LARP1: variants seen among roughly 807,000 people sequenced by gnomAD.
The protein encoded by LARP1 is la-related protein 1.
LARP1 carries 36 observed loss-of-function variants against 122.7 expected under a neutral mutation model. The observed-to-expected ratio is 0.29, with a 90% CI of 0.22 to 0.39. LARP1 has a LOEUF of 0.39. LARP1 is among the 10% of genes least tolerant of loss of function. LARP1 has a pLI of 1.00. For missense variants in LARP1, 1,040 were observed against 1,403.6 expected, an observed-to-expected ratio of 0.74 and a Z score of 4.14; for synonymous variants, 539 against 528.7, an observed-to-expected ratio of 1.02 and a Z score of -0.27.
chr5:154,794,350 T>A lies in LARP1; in HGVS notation c.1232+88T>A, dbSNP rs1582433691. 6.0e-6 allele frequency: 8 copies of A among 1,329,698 alleles called. No individual in the cohort carries two copies. The East Asian group carries it at 1.9e-4, about 31-fold the overall frequency. The allele number at this position is 1,329,698 out of a possible 1,614,324, so 82.4% of individuals were successfully genotyped here. A position where few individuals can be genotyped will look rare whatever the true frequency, so the allele number is the denominator to read the frequency against. ...GTCATAGCTGGGCAGGCCCTTCTGG[T>A]GCTTAGCAGCAGTTTCAGCCTCAGG... On this transcript the variant is annotated intron_variant, in intron 7 of 18. Coordinates refer to ENST00000518297, the MANE Select transcript of LARP1 (RefSeq NM_033551.3).
At chr5:154,721,196 G>C (rs116443797) in intron 1 of LARP1, among the ~76,000 whole-genome samples, 1 of 151,802 alleles carries the variant, frequency 6.6e-6, no homozygotes, top group Non-Finnish European at 1.5e-5. Context: ...ATATTTTATA[G>C]ATTAGCCCGG....
chr5:154,716,921 G>A (rs186203451), intron 1 of LARP1, among the ~76,000 whole-genome samples: 104 of 152,174 alleles, frequency 6.8e-4, no homozygotes, highest in African/African-American at 2.1e-3. Flanking sequence ...TTAGCCGGGC[G>A]TCATTGAGTG....
Position 154,755,478 on chromosome 5 carries a change from C to T in LARP1, c.-280C>T, listed in dbSNP as rs1417605866. The T allele has an allele frequency of 5.7e-6, 5 of 884,084 alleles. No individual in the cohort carries two copies. The highest frequency in any genetic ancestry group is 1.2e-4 in the East Asian group (1 of 8,214). 54.8% of individuals were successfully genotyped at this position (884,084 alleles called of 1,614,324 possible). On this transcript the variant is annotated 5_prime_UTR_variant, in exon 1 of 19. Transcript: ENST00000518297. ...AAGCCTGCCGGGCTCGGGGTGGGGG[C>T]GTCTTGCGAGGAACGGGCGGGGGGG...
At chr5:154,728,379 C>T (rs1756357118) in intron 1 of LARP1, among the ~76,000 whole-genome samples, 1 of 152,190 alleles carries the variant, frequency 6.6e-6, no homozygotes, top group Non-Finnish European at 1.5e-5. Context: ...CATTTTTCCT[C>T]CTTTTGAATC....
At chr5:154,763,095 C>G (rs938055551) in intron 1 of LARP1, among the ~76,000 whole-genome samples, 2 of 141,386 alleles carry the variant, frequency 1.4e-5, no homozygotes, top group African/African-American at 5.2e-5. Context: ...AAGAGTTTCT[C>G]TCGTTGCCCA....
intron 8 of LARP1, among the ~76,000 whole-genome samples, chr5:154,797,963 C>T (rs1183714331): frequency 2.0e-5 from 3 of 152,158 alleles, no homozygotes; most frequent in Non-Finnish European, 2.9e-5. Context: ...GGATTACAGG[C>T]GTGAGCCATT....
At chr5:154,698,051 C>A (rs1041647575) in intron 1 of LARP1, among the ~76,000 whole-genome samples, 1 of 151,628 alleles carries the variant, frequency 6.6e-6, no homozygotes, top group Non-Finnish European at 1.5e-5. Flanking sequence ...TTACAAAATA[C>A]TTTATTGCCA....
chr5:154,801,322 C>G (rs1042576994), intron 10 of LARP1, among the ~76,000 whole-genome samples: 1 of 152,186 alleles, frequency 6.6e-6, no homozygotes, highest in Non-Finnish European at 1.5e-5. Flanking sequence ...TTGAAGGAGG[C>G]CTTCCGTAAC....
At chr5:154,808,902 A>C (rs1244378880) in intron 16 of LARP1, among the ~76,000 whole-genome samples, 1 of 152,150 alleles carries the variant, frequency 6.6e-6, no homozygotes, top group Non-Finnish European at 1.5e-5. Context: ...CTATGTAAGT[A>C]AGTAGACATC....
At chr5:154,726,302 A>G (rs1756213353) in intron 1 of LARP1, among the ~76,000 whole-genome samples, 2 of 152,188 alleles carry the variant, frequency 1.3e-5, no homozygotes, top group African/African-American at 4.8e-5. Flanking sequence ...AAGTTAAAAT[A>G]TTTCTGAAGG....
At chr5:154,738,143 C>T (rs1757016899) in intron 1 of LARP1, among the ~76,000 whole-genome samples, 1 of 152,170 alleles carries the variant, frequency 6.6e-6, no homozygotes, top group Non-Finnish European at 1.5e-5. Flanking sequence ...GTAAACCATG[C>T]GTGTGTGGGA....
In LARP1 at chr5:154,804,182, C is replaced by T. The variant is rs1236794156; in HGVS notation, c.2440-19C>T. ...TGTAGGAGTACAAACAGTAACAAAC[C>T]CTGGGCTAACCTTTGCAGATGCCTC... On this transcript the variant is annotated intron_variant, in intron 13 of 18. Coordinates refer to ENST00000518297, the MANE Select transcript of LARP1 (RefSeq NM_033551.3). 2.4e-5 allele frequency: 39 copies of T among 1,599,674 alleles called. No homozygotes were observed. Among genetic ancestry groups the T allele is most frequent in the Non-Finnish European group, 3.3e-5 (38 of 1,167,146 alleles).
At chr5:154,719,589 T>TG (rs1414761705) in intron 1 of LARP1, among the ~76,000 whole-genome samples, 1 of 152,170 alleles carries the variant, frequency 6.6e-6, no homozygotes, top group Non-Finnish European at 1.5e-5. Flanking sequence ...TAGCCAGGCG[T>TG]GGTGGCTCAC....
At chr5:154,767,415 T>G (rs980561959) in intron 1 of LARP1, among the ~76,000 whole-genome samples, 4 of 152,198 alleles carry the variant, frequency 2.6e-5, no homozygotes, top group Non-Finnish European at 4.4e-5. Context: ...CTGGGTCCTC[T>G]TCCCCTTGAT....
chr5:154,809,207 A>G (rs370156807), intron 16 of LARP1, among the ~76,000 whole-genome samples: 5 of 151,766 alleles, frequency 3.3e-5, no homozygotes, highest in Non-Finnish European at 7.4e-5. Context: ...GCTCACGCCT[A>G]TAATCCCAGC....
chr5:154,743,408 AAGCGATTCTCCTGCCTC>A (rs1008122690), intron 1 of LARP1, among the ~76,000 whole-genome samples: 11 of 151,300 alleles, frequency 7.3e-5, no homozygotes, highest in Admixed American at 6.6e-4. Context: ...TCCCGGGTTC[AAGCGATTCTCCTGCCTC>A]AGCCTCCCGA....
At chr5:154,763,156 G>A (rs1304354706) in intron 1 of LARP1, among the ~76,000 whole-genome samples, 1 of 151,482 alleles carries the variant, frequency 6.6e-6, no homozygotes, top group Non-Finnish European at 1.5e-5. Context: ...TGCCTCCTGG[G>A]TTCAAGCGAT....
intron 1 of LARP1, among the ~76,000 whole-genome samples, chr5:154,705,214 C>G (rs1386780755): frequency 6.6e-6 from 1 of 151,808 alleles, no homozygotes; most frequent in Non-Finnish European, 1.5e-5. Flanking sequence ...CTCAACATCA[C>G]TAATCAGAGA....
intron 1 of LARP1, among the ~76,000 whole-genome samples, chr5:154,783,722 T>C (rs1006299124): frequency 1.2e-4 from 18 of 152,162 alleles, no homozygotes; most frequent in African/African-American, 4.1e-4. Flanking sequence ...AGAGAATCCA[T>C]GCCCAGAGTT....
Sources: gnomAD v4.1 joint callset for allele counts (sites outside exome capture counted in the v4.1 genomes callset) on GRCh38, gnomAD v4.1.1 for gene constraint, MANE v1.5 for transcripts, NCBI Gene and HGNC (gene_info 2026-07-23, HGNC 2026-07-21) for gene names.